Variants in PCDHGA5 observed in about 807,000 individuals in gnomAD.
PCDHGA5 encodes the protein protocadherin gamma subfamily A, 5.
A neutral mutation model predicts 56.7 loss-of-function variants in PCDHGA5; 36 were observed. The observed-to-expected ratio is 0.64, with a 90% confidence interval of 0.49 to 0.84. The LOEUF is 0.84. Among genes scored for constraint, PCDHGA5 ranks in the 40% least tolerant of loss-of-function variants. PCDHGA5 has a pLI of 0.00. For missense variants in PCDHGA5, 1,305 were observed against 1,201.5 expected, an observed-to-expected ratio of 1.09 and a Z score of -1.27; for synonymous variants, 563 against 520.2, an observed-to-expected ratio of 1.08 and a Z score of -1.12.
intron 1 of PCDHGA5, chr5:141,399,557 T>TG: frequency 1.2e-6 from 2 of 1,613,968 alleles, no homozygotes; most frequent in Non-Finnish European, 1.7e-6. Context: ...GACCTGGACT[T>TG]GGGGTTGAAC....
rs1378140695 is a variant in PCDHGA5, at chr5:141,485,189, A to G, written c.2422-9618A>G. On this transcript the variant is annotated intron_variant, in intron 1 of 3. Transcript: ENST00000518069. The surrounding 1 kb of genome is among the most constrained non-coding windows in gnomAD (Gnocchi z 5.7). ...GGCGGCAGCAATGCTCCGCAAGGTGAGAAGCTGGACAGAAATCTGGCGGTG... is the reference window on the plus strand; with the variant it reads ...GGCGGCAGCAATGCTCCGCAAGGTGGGAAGCTGGACAGAAATCTGGCGGTG... 1 of 1,613,726 alleles carries G rather than the reference A, an allele frequency of 6.2e-7. No homozygotes were observed. The highest frequency in any genetic ancestry group is 1.7e-5 in the Admixed American group (1 of 60,020).
chr5:141,364,212 A>G lies in PCDHGA5; in HGVS notation c.-119A>G, dbSNP rs925277605. 1 of 1,252,414 alleles carries G rather than the reference A, an allele frequency of 8.0e-7. No homozygotes were observed. The highest frequency in any genetic ancestry group is 1.5e-5 in the African/African-American group (1 of 66,092). The allele number at this position is 1,252,414 out of a possible 1,614,324, so 77.6% of individuals were successfully genotyped here. On this transcript the variant is annotated 5_prime_UTR_variant, in exon 1 of 4. Coordinates refer to ENST00000518069, the MANE Select transcript of PCDHGA5 (RefSeq NM_018918.3). ...AAACACACAGACCAGACAAGCTCCT[A>G]CGAAAAGCCAACGCTCCACGCCCAT... is the stretch of plus-strand genomic sequence containing the variant.
chr5:141,475,903 G>C, intron 1 of PCDHGA5: 5 of 576,064 alleles, frequency 8.7e-6, no homozygotes, highest in Non-Finnish European at 1.5e-5. Context: ...TGCCGCTGTC[G>C]GCCAATGAAG....
rs1267722283 is a variant in PCDHGA5 at position 141,493,105 on chromosome 5, G to A, written c.2422-1702G>A. Reference sequence around the variant, plus strand: ...GAGCTTTTATTCAAAATATATCAATGCCTAACTCTGCTCCTAGGACTGTAT... The same window carrying A: ...GAGCTTTTATTCAAAATATATCAATACCTAACTCTGCTCCTAGGACTGTAT... On this transcript the variant is annotated intron_variant, in intron 1 of 3. Coordinates refer to ENST00000518069, the MANE Select transcript of PCDHGA5 (RefSeq NM_018918.3). This position sits in a 1 kb window ranked among gnomAD's most constrained non-coding sequence, Gnocchi z 4.3. Among the ~76,000 whole-genome samples, 1 of 152,076 alleles carries A rather than the reference G, an allele frequency of 6.6e-6. No homozygotes were observed. Among genetic ancestry groups the A allele is most frequent in the Non-Finnish European group, 1.5e-5 (1 of 67,994 alleles).
intron 1 of PCDHGA5, among the ~76,000 whole-genome samples, chr5:141,450,099 C>T (rs2098669229): frequency 6.6e-6 from 1 of 151,500 alleles, no homozygotes; most frequent in African/African-American, 2.4e-5. Flanking sequence ...CTCCGCCTCC[C>T]AGGTTCAAAT....
chr5:141,413,906 C>G, intron 1 of PCDHGA5: 1 of 1,613,310 alleles, frequency 6.2e-7, no homozygotes. Context: ...GACAACGCGC[C>G]GGTCTTCACC....
intron 1 of PCDHGA5, chr5:141,375,232 C>G: frequency 6.2e-7 from 1 of 1,613,986 alleles, no homozygotes; most frequent in Non-Finnish European, 8.5e-7. Flanking sequence ...GCCTGGTAAC[C>G]TGTTCCATCC....
chr5:141,421,410 G>A lies in PCDHGA5; in HGVS notation c.2421+54659G>A, dbSNP rs538537555. On this transcript the variant is annotated intron_variant, in intron 1 of 3. Transcript: ENST00000518069. ...TGGGGCTGGAGCCCCGGGAGCTGGCGAAGCGCGGAGTCCGCATCGTCTCCA... is the reference window on the plus strand; with the variant it reads ...TGGGGCTGGAGCCCCGGGAGCTGGCAAAGCGCGGAGTCCGCATCGTCTCCA... The A allele has an allele frequency of 3.7e-6, 6 of 1,614,084 alleles. No homozygotes were observed. In the African/African-American group the frequency reaches 6.7e-5, roughly 18 times the overall value.
At position 141,491,305 on chromosome 5, in the gene PCDHGA5, G is replaced by T. The variant is rs1461861151; in HGVS notation, c.2422-3502G>T. 6.2e-7 allele frequency: 1 copy of T among 1,614,176 alleles called. No homozygotes were observed. Among genetic ancestry groups the T allele is most frequent in the African/African-American group, 1.3e-5 (1 of 75,048 alleles). ...CCTCATACACCCTCCTGAGCGTTCA[G>T]ACCTTACCCTTTACCTCATTGTGGC... On this transcript the variant is annotated intron_variant, in intron 1 of 3. Coordinates refer to ENST00000518069, the MANE Select transcript of PCDHGA5 (RefSeq NM_018918.3). This position sits in a 1 kb window ranked among gnomAD's most constrained non-coding sequence, Gnocchi z 6.9.
chr5:141,434,861 T>C (rs1157640770), intron 1 of PCDHGA5, among the ~76,000 whole-genome samples: 1 of 151,998 alleles, frequency 6.6e-6, no homozygotes, highest in Non-Finnish European at 1.5e-5. Context: ...TAAATTTATA[T>C]ATATGTGACA....
At chr5:141,500,488 C>A (rs569168291) in intron 2 of PCDHGA5, among the ~76,000 whole-genome samples, 2 of 152,060 alleles carry the variant, frequency 1.3e-5, no homozygotes, top group East Asian at 3.9e-4. Flanking sequence ...GGATTACAGG[C>A]GTGAGCCACC....
chr5:141,384,658 C>T lies in PCDHGA5; in HGVS notation c.2421+17907C>T, dbSNP rs755303317. 9.3e-6 allele frequency: 15 copies of T among 1,614,104 alleles called. No homozygotes were observed. The African/African-American group carries it at 1.7e-4, about 19-fold the overall frequency. Reference sequence around the variant, plus strand: ...ACCCCGCTCCGCAGAGCCCGGCTACCTGGTGACCAAGGTGGTGGCGGTGGA... The same window carrying T: ...ACCCCGCTCCGCAGAGCCCGGCTACTTGGTGACCAAGGTGGTGGCGGTGGA... On this transcript the variant is annotated intron_variant, in intron 1 of 3. Coordinates refer to ENST00000518069, the MANE Select transcript of PCDHGA5 (RefSeq NM_018918.3).
At position 141,423,488 on chromosome 5, in the gene PCDHGA5, A is replaced by G. The variant is rs141810253; in HGVS notation, c.2421+56737A>G. The G allele has an allele frequency of 9.2e-4, 1,481 of 1,613,946 alleles. 7 individuals carry two copies. The highest frequency in any genetic ancestry group is 3.0e-3 in the Middle Eastern group (18 of 6,062). On this transcript the variant is annotated intron_variant, in intron 1 of 3. Transcript: ENST00000518069. The stretch of plus-strand genomic sequence containing the variant: ...GGGGTACAGGCTTTCCTGCAAACCT[A>G]TTCCCACGAGGTCTCTCTCATTGCG...
At chr5:141,448,786 A>G (rs1354591718) in intron 1 of PCDHGA5, among the ~76,000 whole-genome samples, 1 of 148,848 alleles carries the variant, frequency 6.7e-6, no homozygotes, top group African/African-American at 2.5e-5. Context: ...TAAAAATACA[A>G]AAAAAAAAAT....
chr5:141,448,464 T>C lies in PCDHGA5; in HGVS notation c.2422-46343T>C, dbSNP rs186054602. Among the ~76,000 whole-genome samples the C allele has an allele frequency of 2.6e-3, 402 of 152,296 alleles. 10 individuals are homozygous for C. The highest frequency in any genetic ancestry group is 0.023 in the Admixed American group (357 of 15,282). ...CTGACTTCCATCCCTATCCTACTCCTATTCCACCCTTGCTTCCTCCTGTCC... is the reference window on the plus strand; with the variant it reads ...CTGACTTCCATCCCTATCCTACTCCCATTCCACCCTTGCTTCCTCCTGTCC... On this transcript the variant is annotated intron_variant, in intron 1 of 3. Transcript: ENST00000518069.
chr5:141,419,754 T>C, intron 1 of PCDHGA5: 1 of 1,613,924 alleles, frequency 6.2e-7, no homozygotes. Flanking sequence ...GTGCGTGCTT[T>C]GGGTGACAAG....
At chr5:141,451,077 C>T (rs1422196268) in intron 1 of PCDHGA5, among the ~76,000 whole-genome samples, 1 of 152,098 alleles carries the variant, frequency 6.6e-6, no homozygotes, top group Admixed American at 6.6e-5. Context: ...ATCCACCCAC[C>T]TTGACCTCCC....
In PCDHGA5 at chr5:141,364,822, GA is replaced by G. The variant is rs1385950726; in HGVS notation, c.494del (p.Asn165ThrfsTer19). The G allele has an allele frequency of 6.2e-7, 1 of 1,614,010 alleles. No individual in the cohort carries two copies. Among genetic ancestry groups the G allele is most frequent in the Admixed American group, 1.7e-5 (1 of 60,028 alleles). On this transcript the variant is annotated frameshift_variant, in exon 1 of 4. Coordinates refer to ENST00000518069, the MANE Select transcript of PCDHGA5 (RefSeq NM_018918.3). LOFTEE classifies it high-confidence loss of function. Reference sequence around the variant, plus strand: ...TCGCGCGGGATGCGGATGTGGGTGTGAACTCTCTCCGGAGTTACCAGCTCAG... The same window carrying G: ...TCGCGCGGGATGCGGATGTGGGTGTGACTCTCTCCGGAGTTACCAGCTCAG... ...PFARDADVGV[N>X]SLRSYQLSSN...
chr5:141,393,023 T>G (rs372159245), intron 1 of PCDHGA5: 22 of 1,613,668 alleles, frequency 1.4e-5, no homozygotes, highest in Non-Finnish European at 1.7e-5. Flanking sequence ...TCTCCAGAGG[T>G]AGGACGCAGC....
Sources: gnomAD v4.1 joint callset for allele counts (sites outside exome capture counted in the v4.1 genomes callset) on GRCh38, gnomAD v4.1.1 for gene constraint, Gnocchi (gnomAD v3.1) non-coding constraint, MANE v1.5 for transcripts, NCBI Gene and HGNC (gene_info 2026-07-23, HGNC 2026-07-21) for gene names.